The following DEF8 variants were observed in gnomAD, a reference collection of about 807,000 sequenced individuals.
The protein encoded by DEF8 is DEF-8.
A neutral mutation model predicts 59.1 loss-of-function variants in DEF8; 38 were observed. The observed-to-expected ratio is 0.64, with a 90% CI of 0.50 to 0.84. DEF8 has a LOEUF of 0.84. DEF8 is among the 40% of genes least tolerant of loss of function. DEF8 has a pLI of 0.00. For synonymous variants in DEF8, 265 were observed against 250.1 expected (o/e 1.06, Z -0.56); for missense variants, 557 against 615.2 (o/e 0.91, Z 1.00).
chr16:89,964,514 G>A lies in DEF8; in HGVS notation c.1192G>A (p.Val398Met), dbSNP rs769085397. 3.8e-6 allele frequency: 6 copies of A among 1,598,884 alleles called. No individual in the cohort carries two copies. Among genetic ancestry groups the A allele is most frequent in the South Asian group, 3.4e-5 (3 of 88,546 alleles). The change falls in exon 12 of 13, where the codon GTG becomes ATG. Residue 398 changes from valine to methionine, a missense_variant. Physicochemically the swap from Val to Met is conservative, Grantham distance 21. Coordinates refer to ENST00000563594, the MANE Select transcript of DEF8 (RefSeq NM_001242818.2). ...FVCELCREGD[V>M]LFPFDSHTSV... ...GTGTGAGCTCTGCAGAGAGGGCGAC[G>A]TGCTGTTCCCGTTCGACAGCCACAC...
chr16:89,960,863 G>C, intron 6 of DEF8, 68 bp from the exon 7 acceptor site: 1 of 1,552,610 alleles, frequency 6.4e-7, no homozygotes. Flanking sequence ...GGGCAAGCCA[G>C]CTGAGGGTGG....
intron 12 of DEF8, 151 bp downstream of exon 12, chr16:89,964,726 G>A (rs1362320816): frequency 3.2e-6 from 2 of 624,222 alleles, no homozygotes; most frequent in African/African-American, 3.7e-5. Context: ...GGTCTTTGCT[G>A]ACCCTGAGAT....
Position 89,965,974 on chromosome 16 carries a change from C to G in DEF8, c.*11C>G, listed in dbSNP as rs1404251223. 6 of 1,601,094 alleles carry G rather than the reference C, an allele frequency of 3.7e-6. No individual in the cohort carries two copies. Among genetic ancestry groups the G allele is most frequent in the Non-Finnish European group, 4.3e-6 (5 of 1,170,902 alleles). ...GATGTGGAGGCCTAGCGCCGAGGAA[C>G]AGTGCTGGGCACCCCGCCTGGCCCG... is the stretch of plus-strand genomic sequence containing the variant. On this transcript the variant is annotated 3_prime_UTR_variant, in exon 13 of 13. Coordinates refer to ENST00000563594, the MANE Select transcript of DEF8 (RefSeq NM_001242818.2).
At position 89,954,877 on chromosome 16, in the gene DEF8, A is replaced by G. The variant is rs1284557297; in HGVS notation, c.125-292A>G. ...CCCCGTGGTCACGCATGAGGTGTCC[A>G]CCTTAGAAATGGGATGTCTCTATAA... On this transcript the variant is annotated intron_variant, in intron 3 of 12. Transcript: ENST00000563594. The surrounding 1 kb of genome is among the most constrained non-coding windows in gnomAD (Gnocchi z 4.3). Among the ~76,000 whole-genome samples the G allele has an allele frequency of 6.6e-6, 1 of 152,090 alleles. No homozygotes were observed. Among genetic ancestry groups the G allele is most frequent in the African/African-American group, 2.4e-5 (1 of 41,404 alleles).
In DEF8 at chr16:89,964,001, C is replaced by T. The variant is rs770902998; in HGVS notation, c.1003-169C>T. The T allele has an allele frequency of 5.6e-6, 5 of 894,126 alleles. No individual in the cohort carries two copies. The South Asian group carries it at 6.8e-5, about 12-fold the overall frequency. 55.4% of individuals were successfully genotyped at this position (894,126 alleles called of 1,614,324 possible). On this transcript the variant is annotated intron_variant, in intron 10 of 12. Transcript: ENST00000563594. Reference sequence around the variant, plus strand: ...GTCAGGAAACGTGGCCCGGGTCCATCTTCCCCTGTCGGCTTCCTGGGGCTC... The same window carrying T: ...GTCAGGAAACGTGGCCCGGGTCCATTTTCCCCTGTCGGCTTCCTGGGGCTC...
rs764090698 is a variant in DEF8 at position 89,954,370 on chromosome 16, C to T, written c.118C>T (p.Pro40Ser). ...GPGEEVPDVT[P>S]EEALPELPPG... ...TGGGGAGGAGGTCCCGGACGTCACT[C>T]CTGAAGGTGGGTGCTGGTGGGAGTC... The change falls in exon 3 of 13, where the codon CCT (proline) becomes TCT (serine). Residue 40 changes from proline (P) to serine (S), a missense_variant. By Grantham distance (74) the Pro-to-Ser change is moderately conservative. Transcript: ENST00000563594. The surrounding 1 kb of genome is among the most constrained non-coding windows in gnomAD (Gnocchi z 4.3). The T allele has an allele frequency of 2.2e-5, 35 of 1,613,274 alleles. No individual in the cohort carries two copies. The highest frequency in any genetic ancestry group is 1.7e-6 in the Non-Finnish European group (2 of 1,179,686).
intron 5 of DEF8, 80 bp downstream of exon 5, chr16:89,957,740 C>T: frequency 5.6e-6 from 8 of 1,436,664 alleles, no homozygotes; most frequent in Non-Finnish European, 7.4e-6. Context: ...CTGCCAGCCT[C>T]TGGCTCTCTC....
At chr16:89,965,825 C>A in intron 12 of DEF8, 36 bp from the exon 13 acceptor site, 1 of 1,455,462 alleles carries the variant, frequency 6.9e-7, no homozygotes, top group East Asian at 2.3e-5. Context: ...GCTGGAGTTT[C>A]CTGTGCAGAG....
intron 10 of DEF8, chr16:89,963,900 G>C (rs1246060221): frequency 3.6e-6 from 2 of 558,124 alleles, no homozygotes; most frequent in Admixed American, 5.9e-5. Flanking sequence ...GGGAATGTGG[G>C]AAGCGTGGGG....
rs765876348 is a variant in DEF8 at position 89,957,525 on chromosome 16, C to G, written c.237C>G (p.Ala79=). The G allele has an allele frequency of 6.3e-6, 10 of 1,589,346 alleles. No homozygotes were observed. Among genetic ancestry groups the G allele is most frequent in the Non-Finnish European group, 8.6e-6 (10 of 1,168,300 alleles). ...HFSRPVGLFL[A]SDVQQLRQAI... The stretch of plus-strand genomic sequence containing the variant: ...AACCTGGGCAGGGTCTGTTCCTGGC[C>G]TCTGACGTCCAGCAGCTGCGGCAGG... The change falls in exon 5 of 13, where the codon GCC becomes GCG. Residue 79 remains alanine (A), a synonymous_variant. Transcript: ENST00000563594.
At chr16:89,963,290 G>C (rs865847334) in intron 9 of DEF8, 73 bp from the exon 10 acceptor site, 3 of 1,341,034 alleles carry the variant, frequency 2.2e-6, no homozygotes, top group East Asian at 4.8e-5. Context: ...CCGTGGCCCC[G>C]GGTGTGCGGC....
In DEF8 at chr16:89,967,654, C is replaced by G. The variant is rs1701536581; in HGVS notation, c.*1691C>G. On this transcript the variant is annotated 3_prime_UTR_variant, in exon 13 of 13. Coordinates refer to ENST00000563594, the MANE Select transcript of DEF8 (RefSeq NM_001242818.2). ...AGGTTAAAGGCCAAATGCTGTTTCC[C>G]AACACCCCAAAGTCTGCACACGTCT... 2.5e-6 allele frequency: 1 copy of G among 396,048 alleles called. No homozygotes were observed. The highest frequency in any genetic ancestry group is 4.4e-6 in the Non-Finnish European group (1 of 225,060). The allele number at this position is 396,048 out of a possible 1,614,324, so 24.5% of individuals were successfully genotyped here.
rs908808048 is a variant in DEF8, at chr16:89,948,831, C to T, written c.-108+17C>T. On this transcript the variant is annotated intron_variant, in intron 1 of 12. Coordinates refer to ENST00000563594, the MANE Select transcript of DEF8 (RefSeq NM_001242818.2). ...GGCGGTCAGGTGAGCGGCGCGGGGCCGGCGGGGTCGGGGCCGGCGGGGACG... is the reference window on the plus strand; with the variant it reads ...GGCGGTCAGGTGAGCGGCGCGGGGCTGGCGGGGTCGGGGCCGGCGGGGACG... The T allele has an allele frequency of 1.2e-4, 115 of 955,796 alleles. No individual in the cohort carries two copies. Among genetic ancestry groups the T allele is most frequent in the Non-Finnish European group, 1.3e-4 (108 of 818,024 alleles). The allele number at this position is 955,796 out of a possible 1,614,324, so 59.2% of individuals were successfully genotyped here.
chr16:89,965,288 C>T (rs568312656), intron 12 of DEF8, among the ~76,000 whole-genome samples: 12 of 152,328 alleles, frequency 7.9e-5, no homozygotes, highest in East Asian at 1.9e-4. Context: ...CACTCCCCCC[C>T]AGTTTCTGTC....
At chr16:89,961,963 C>T in intron 8 of DEF8, 49 bp from the exon 9 acceptor site, 1 of 1,607,100 alleles carries the variant, frequency 6.2e-7, no homozygotes, top group South Asian at 1.1e-5. Context: ...TTGCCCGCTG[C>T]ACGGGCCCTG....
At chr16:89,952,034 C>T (rs1226682960) in intron 2 of DEF8, among the ~76,000 whole-genome samples, 2 of 152,172 alleles carry the variant, frequency 1.3e-5, no homozygotes, top group South Asian at 2.1e-4. Flanking sequence ...CCTGCCACCA[C>T]ACCTGGCTAA....
intron 12 of DEF8, among the ~76,000 whole-genome samples, chr16:89,965,495 C>T (rs1180510735): frequency 6.6e-6 from 1 of 152,148 alleles, no homozygotes; most frequent in African/African-American, 2.4e-5. Context: ...AACTAGGCTG[C>T]GGTGCCCCAG....
chr16:89,949,710 T>G (rs1048713399), intron 2 of DEF8, 197 bp downstream of exon 2: 2 of 1,415,878 alleles, frequency 1.4e-6, no homozygotes, highest in Non-Finnish European at 1.9e-6. Flanking sequence ...CCGGCTTTCT[T>G]CGGCTTCCTT....
At position 89,954,363 on chromosome 16, in the gene DEF8, C is replaced by G. The variant is rs759040124; in HGVS notation, c.111C>G (p.Asp37Glu). The G allele has an allele frequency of 6.2e-7, 1 of 1,613,410 alleles. No individual in the cohort carries two copies. Among genetic ancestry groups the G allele is most frequent in the Non-Finnish European group, 8.5e-7 (1 of 1,179,778 alleles). ...AGGGCCCTGGGGAGGAGGTCCCGGA[C>G]GTCACTCCTGAAGGTGGGTGCTGGT... ...HEQGPGEEVP[D>E]VTPEEALPEL... is the part of the protein sequence containing the mutation. Residue 37 changes from aspartate to glutamate, a missense_variant, in exon 3 of 13, where the codon GAC becomes GAG. Physicochemically the swap from Asp to Glu is conservative, Grantham distance 45. Transcript: ENST00000563594. This position sits in a 1 kb window ranked among gnomAD's most constrained non-coding sequence, Gnocchi z 4.3.
Sources: allele counts gnomAD v4.1 joint callset (sites outside exome capture counted in the v4.1 genomes callset), GRCh38; gene constraint gnomAD v4.1.1; non-coding constraint Gnocchi (gnomAD v3.1); transcripts MANE v1.5; gene names NCBI Gene and HGNC (gene_info 2026-07-23, HGNC 2026-07-21).